ZNF587: variants seen among roughly 807,000 people sequenced by gnomAD.
ZNF587 encodes the protein zinc finger protein 587.
A neutral mutation model predicts 7.5 loss-of-function variants in ZNF587; 8 were observed. The observed-to-expected ratio is 1.06, with a 90% CI of 0.62 to 1.92. The LOEUF is 1.92. ZNF587 is among the 40% of genes most tolerant of loss of function. The pLI is 0.00. For synonymous variants in ZNF587, 145 were observed against 237.8 expected, an observed-to-expected ratio of 0.61 and a Z score of 3.59; for missense variants, 468 against 692.8, an observed-to-expected ratio of 0.68 and a Z score of 3.64.
intron 2 of ZNF587, among the ~76,000 whole-genome samples, chr19:57,857,614 G>GTGTA (rs1555775121): frequency 6.6e-6 from 1 of 150,762 alleles, no homozygotes; most frequent in African/African-American, 2.5e-5. Context: ...GTGTGTATGT[G>GTGTA]TATATATATA....
In ZNF587 at chr19:57,859,360, T is replaced by C; in HGVS notation, c.948T>C (p.Leu316=). 1 of 1,611,516 alleles carries C rather than the reference T, an allele frequency of 6.2e-7. No homozygotes were observed. Among genetic ancestry groups the C allele is most frequent in the Non-Finnish European group, 8.5e-7 (1 of 1,179,792 alleles). The change falls in exon 3 of 3, where the codon CTT becomes CTC. Residue 316 remains leucine (L), a synonymous_variant. Transcript: ENST00000339656. ...AGGGCAGCCTTATTAGCCATCAGCTTGTTCACACTGGAGAAGGGCCTTATG... is the reference window on the plus strand; with the variant it reads ...AGGGCAGCCTTATTAGCCATCAGCTCGTTCACACTGGAGAAGGGCCTTATG... The part of the protein sequence containing the change: ...SQKGSLISHQ[L]VHTGEGPYEC...
At position 57,860,636 on chromosome 19, in the gene ZNF587, T is replaced by A. The variant is rs2071421816; in HGVS notation, c.*496T>A. 1 of 167,904 alleles carries A rather than the reference T, an allele frequency of 6.0e-6. No individual in the cohort carries two copies. Among genetic ancestry groups the A allele is most frequent in the East Asian group, 1.7e-4 (1 of 6,036 alleles). The allele number at this position is 167,904 out of a possible 1,614,324, so 10.4% of individuals were successfully genotyped here. On this transcript the variant is annotated 3_prime_UTR_variant, in exon 3 of 3. Coordinates refer to ENST00000339656, the MANE Select transcript of ZNF587 (RefSeq NM_032828.4). ...GCATGGTGGCTCATGCTTGTAAACC[T>A]GATGCTTTGGGAGGACAAGGTGGTT... is the stretch of plus-strand genomic sequence containing the variant.
rs901344949 is a variant in ZNF587 at position 57,860,031 on chromosome 19, G to A, written c.1619G>A (p.Arg540Lys). The change falls in exon 3 of 3, where the codon AGA becomes AAA. Residue 540 changes from arginine to lysine, a missense_variant. Transcript: ENST00000339656. ...SECSSLIKHR[R>K]IHTGERPYEC... ...TGTTCCAGTCTCATTAAACACAGGA[G>A]AATTCACACTGGAGAAAGGCCTTAT... 1.2e-6 allele frequency: 2 copies of A among 1,614,038 alleles called. No individual in the cohort carries two copies. The highest frequency in any genetic ancestry group is 1.7e-6 in the Non-Finnish European group (2 of 1,180,028).
Position 57,861,153 on chromosome 19 carries a change from C to G in ZNF587, c.*1013C>G, listed in dbSNP as rs1308785176. The G allele has an allele frequency of 6.6e-6, 1 of 152,136 alleles. No homozygotes were observed. Among genetic ancestry groups the G allele is most frequent in the Non-Finnish European group, 1.5e-5 (1 of 68,036 alleles). The allele number at this position is 152,136 out of a possible 1,614,324, so 9.4% of individuals were successfully genotyped here. On this transcript the variant is annotated 3_prime_UTR_variant, in exon 3 of 3. Coordinates refer to ENST00000339656, the MANE Select transcript of ZNF587 (RefSeq NM_032828.4). ...CTACTGTGCTTGGCCTAATGTACAA[C>G]TTTTTAAGCAATGCCAAACTATGAC...
At position 57,862,587 on chromosome 19, in the gene ZNF587, C is replaced by T. The variant is rs183376336; in HGVS notation, c.*2447C>T. 6.5e-6 allele frequency: 1 copy of T among 154,908 alleles called. No homozygotes were observed. Among genetic ancestry groups the T allele is most frequent in the Admixed American group, 6.5e-5 (1 of 15,302 alleles). The allele number at this position is 154,908 out of a possible 1,614,324, so 9.6% of individuals were successfully genotyped here. ...CTCAGCAAGGTGAGATTATGGAATC[C>T]AGAATCTTTTTTCAGGGGTCACATG... On this transcript the variant is annotated 3_prime_UTR_variant, in exon 3 of 3. Coordinates refer to ENST00000339656, the MANE Select transcript of ZNF587 (RefSeq NM_032828.4).
At position 57,864,697 on chromosome 19, in the gene ZNF587, A is replaced by G. The variant is rs531600744; in HGVS notation, c.*4557A>G. ...ATTTTTAATCAACATAGGAGTTTCAATGATATCTAGAAGTTTAAAAGGGCT... is the reference window on the plus strand; with the variant it reads ...ATTTTTAATCAACATAGGAGTTTCAGTGATATCTAGAAGTTTAAAAGGGCT... On this transcript the variant is annotated 3_prime_UTR_variant, in exon 3 of 3. Coordinates refer to ENST00000339656, the MANE Select transcript of ZNF587 (RefSeq NM_032828.4). The G allele has an allele frequency of 1.3e-5, 2 of 152,288 alleles. No individual in the cohort carries two copies. The highest frequency in any genetic ancestry group is 2.4e-5 in the African/African-American group (1 of 41,562). 9.4% of individuals were successfully genotyped at this position (152,288 alleles called of 1,614,324 possible).
Position 57,864,818 on chromosome 19 carries a change from C to T in ZNF587, c.*4678C>T, listed in dbSNP as rs2071487113. 1 of 151,944 alleles carries T rather than the reference C, an allele frequency of 6.6e-6. No homozygotes were observed. The highest frequency in any genetic ancestry group is 2.4e-5 in the African/African-American group (1 of 41,348). The allele number at this position is 151,944 out of a possible 1,614,324, so 9.4% of individuals were successfully genotyped here. A position where few individuals can be genotyped will look rare whatever the true frequency, so the allele number is the denominator to read the frequency against. ...TACACCAAATTATGTTCACACAAAA[C>T]CTTTGTAATCAGGGGGAATTAAAGA... On this transcript the variant is annotated 3_prime_UTR_variant, in exon 3 of 3. Transcript: ENST00000339656.
rs1013068781 is a variant in ZNF587 at position 57,864,693 on chromosome 19, T to G, written c.*4553T>G. ...GATGATTTTTAATCAACATAGGAGT[T>G]TCAATGATATCTAGAAGTTTAAAAG... On this transcript the variant is annotated 3_prime_UTR_variant, in exon 3 of 3. Transcript: ENST00000339656. 1 of 152,168 alleles carries G rather than the reference T, an allele frequency of 6.6e-6. No homozygotes were observed. The highest frequency in any genetic ancestry group is 1.5e-5 in the Non-Finnish European group (1 of 68,036). The allele number at this position is 152,168 out of a possible 1,614,324, so 9.4% of individuals were successfully genotyped here.
intron 2 of ZNF587, among the ~76,000 whole-genome samples, chr19:57,857,882 C>T (rs532772245): frequency 4.6e-5 from 7 of 151,896 alleles, no homozygotes; most frequent in African/African-American, 7.3e-5. Context: ...GTGATCTGCC[C>T]GCCTCGGCCT....
chr19:57,857,614 G>GTATATA (rs148150934), intron 2 of ZNF587, among the ~76,000 whole-genome samples: 4,002 of 150,830 alleles, frequency 0.027, 211 homozygotes, highest in African/African-American at 0.091. Context: ...GTGTGTATGT[G>GTATATA]TATATATATA....
rs1436338541 is a variant in ZNF587 at position 57,861,820 on chromosome 19, T to A, written c.*1680T>A. 2 of 145,936 alleles carry A rather than the reference T, an allele frequency of 1.4e-5. No homozygotes were observed. Among genetic ancestry groups the A allele is most frequent in the East Asian group, 4.3e-4 (2 of 4,652 alleles). The allele number at this position is 145,936 out of a possible 1,614,324, so 9.0% of individuals were successfully genotyped here. A position where few individuals can be genotyped will look rare whatever the true frequency, so the allele number is the denominator to read the frequency against. ...TGGAGTCTAGCTCTGTCTCCTAAGC[T>A]ACAGTGAAGTGGCATGATCTCGGCC... On this transcript the variant is annotated 3_prime_UTR_variant, in exon 3 of 3. Coordinates refer to ENST00000339656, the MANE Select transcript of ZNF587 (RefSeq NM_032828.4).
Position 57,856,097 on chromosome 19 carries a change from A to G in ZNF587, c.34-7A>G, listed in dbSNP as rs1417394769. ...GCTGCTTGTGGTTTCATCTGTCACTATCATAGCAGGGCACTGTGACCTTTG... is the reference window on the plus strand; with the variant it reads ...GCTGCTTGTGGTTTCATCTGTCACTGTCATAGCAGGGCACTGTGACCTTTG... On this transcript the variant is annotated splice_polypyrimidine_tract_variant and splice_region_variant and intron_variant, in intron 1 of 2. Coordinates refer to ENST00000339656, the MANE Select transcript of ZNF587 (RefSeq NM_032828.4). 2 of 1,612,720 alleles carry G rather than the reference A, an allele frequency of 1.2e-6. No homozygotes were observed. Among genetic ancestry groups the G allele is most frequent in the African/African-American group, 1.3e-5 (1 of 74,934 alleles).
Position 57,856,180 on chromosome 19 carries a change from G to A in ZNF587, c.110G>A (p.Arg37Lys), listed in dbSNP as rs1333595166. 1 of 1,612,612 alleles carries A rather than the reference G, an allele frequency of 6.2e-7. No homozygotes were observed. ...TGGTGTCTTCTTAGTGAGGCTCAGA[G>A]GTGCTTGTACCGTGATGTGATGCTA... Reference protein sequence around the residue: ...EEWCLLSEAQRCLYRDVMLEN... With the variant: ...EEWCLLSEAQKCLYRDVMLEN... The change falls in exon 2 of 3, where the codon AGG (arginine) becomes AAG (lysine). Residue 37 changes from arginine to lysine, a missense_variant. Coordinates refer to ENST00000339656, the MANE Select transcript of ZNF587 (RefSeq NM_032828.4).
intron 2 of ZNF587, 86 bp downstream of exon 2, chr19:57,856,319 A>C: frequency 2.0e-6 from 3 of 1,521,060 alleles, no homozygotes; most frequent in Non-Finnish European, 2.6e-6. Flanking sequence ...TTCTCACCTA[A>C]GGAGCCTGGA....
chr19:57,851,928 T>C (rs1326245698), intron 1 of ZNF587: 2 of 162,350 alleles, frequency 1.2e-5, no homozygotes, highest in Non-Finnish European at 1.3e-5. Flanking sequence ...GCCTTAGGGT[T>C]ACCTGGTTCC....
rs964328173 is a variant in ZNF587 at position 57,864,004 on chromosome 19, G to C, written c.*3864G>C. 3 of 142,464 alleles carry C rather than the reference G, an allele frequency of 2.1e-5. No individual in the cohort carries two copies. Among genetic ancestry groups the C allele is most frequent in the African/African-American group, 7.9e-5 (3 of 37,820 alleles). 8.8% of individuals were successfully genotyped at this position (142,464 alleles called of 1,614,324 possible). ...GGTGCACTGAGCCAATATCACACCA[G>C]TGCACTCCAACCTGGTGACAGAGAG... is the stretch of plus-strand genomic sequence containing the variant. On this transcript the variant is annotated 3_prime_UTR_variant, in exon 3 of 3. Coordinates refer to ENST00000339656, the MANE Select transcript of ZNF587 (RefSeq NM_032828.4).
rs1311611636 is a variant in ZNF587, at chr19:57,864,666, T to C, written c.*4526T>C. The C allele has an allele frequency of 1.3e-5, 2 of 152,226 alleles. No homozygotes were observed. The highest frequency in any genetic ancestry group is 2.9e-5 in the Non-Finnish European group (2 of 68,048). 9.4% of individuals were successfully genotyped at this position (152,226 alleles called of 1,614,324 possible). ...TTCATCCTTCTCACTGGAAAGATCT[T>C]TGATGATTTTTAATCAACATAGGAG... On this transcript the variant is annotated 3_prime_UTR_variant, in exon 3 of 3. Coordinates refer to ENST00000339656, the MANE Select transcript of ZNF587 (RefSeq NM_032828.4).
chr19:57,859,530 T>C lies in ZNF587; in HGVS notation c.1118T>C (p.Val373Ala), dbSNP rs1568509019. ...TTCTGCTTTATTAACCATCAGCGTG[T>C]TCACACTGGAGAAAGGCCTTACAAG... ...QKFCFINHQR[V>A]HTGERPYKCG... Residue 373 changes from valine to alanine, a missense_variant, in exon 3 of 3, where the codon GTT becomes GCT. Transcript: ENST00000339656. The C allele has an allele frequency of 6.2e-7, 1 of 1,613,858 alleles. No individual in the cohort carries two copies. The highest frequency in any genetic ancestry group is 8.5e-7 in the Non-Finnish European group (1 of 1,179,972).
In ZNF587 at chr19:57,859,497, G is replaced by A. The variant is rs779562247; in HGVS notation, c.1085G>A (p.Arg362His). The change falls in exon 3 of 3, where the codon CGT becomes CAT. Residue 362 changes from arginine to histidine, a missense_variant. Arg to His is a conservative substitution (Grantham distance 29). Around this residue, in one of 5 missense-constraint regions of ZNF587, gnomAD observed 310 missense variants for 325.6 expected, o/e 0.95. Coordinates refer to ENST00000339656, the MANE Select transcript of ZNF587 (RefSeq NM_032828.4). ...YHCGECGKSFRQKFCFINHQR... is the reference protein window; with the variant it reads ...YHCGECGKSFHQKFCFINHQR... Reference sequence around the variant, plus strand: ...TGTGGGGAATGTGGGAAATCTTTTCGTCAGAAGTTCTGCTTTATTAACCAT... The same window carrying A: ...TGTGGGGAATGTGGGAAATCTTTTCATCAGAAGTTCTGCTTTATTAACCAT... 4.4e-5 allele frequency: 71 copies of A among 1,613,230 alleles called. No homozygotes were observed. Among genetic ancestry groups the A allele is most frequent in the South Asian group, 3.3e-4 (30 of 91,052 alleles).
Sources: gnomAD v4.1 joint callset for allele counts (sites outside exome capture counted in the v4.1 genomes callset) on GRCh38, gnomAD v4.1.1 for gene constraint, gnomAD v4.1.1 regional missense constraint, MANE v1.5 for transcripts, NCBI Gene and HGNC (gene_info 2026-07-23, HGNC 2026-07-21) for gene names.